The following ANKS1A variants were observed in gnomAD, a reference collection of about 807,000 sequenced individuals.
ANKS1A encodes ankyrin repeat and SAM domain-containing protein 1A.
In ANKS1A, 55 loss-of-function variants were observed where a neutral mutation model predicts 120.3. The ratio of observed to expected loss-of-function variants is 0.46; its 90% CI spans 0.37 to 0.57. The LOEUF is 0.57. Ranked by LOEUF, ANKS1A falls within the 20% of genes least tolerant of loss-of-function variation. The pLI is 0.00. For synonymous variants in ANKS1A, 590 were observed against 604.7 expected (o/e 0.98, Z 0.36); for missense variants, 1,123 against 1,480.3 (o/e 0.76, Z 3.96).
rs796979646 is a variant in ANKS1A, at chr6:34,987,407, G to GT, written c.1210-1808dup. On this transcript the variant is annotated intron_variant, in intron 8 of 23. Coordinates refer to ENST00000360359, the MANE Select transcript of ANKS1A (RefSeq NM_015245.3). ...CTTTTTGTTGTTGTGTTTCCTTTTT[G>GT]TTTTTTTTTCCCTCAGTTACTTGAT... Among the ~76,000 whole-genome samples the GT allele has an allele frequency of 1.1e-4, 16 of 150,700 alleles. 1 individual carries two copies. The highest frequency in any genetic ancestry group is 2.4e-4 in the African/African-American group (10 of 41,054).
rs1772130771 is a variant in ANKS1A, at chr6:34,985,235, A to G, written c.1166A>G (p.Lys389Arg). 1 of 1,614,174 alleles carries G rather than the reference A, an allele frequency of 6.2e-7. No homozygotes were observed. The highest frequency in any genetic ancestry group is 8.5e-7 in the Non-Finnish European group (1 of 1,180,034). Residue 389 changes from lysine to arginine, a missense_variant, in exon 8 of 24, where the codon AAG becomes AGG. Coordinates refer to ENST00000360359, the MANE Select transcript of ANKS1A (RefSeq NM_015245.3). Reference protein sequence around the residue: ...GRSSDQDSTNKEAEAAGVKPA... With the variant: ...GRSSDQDSTNREAEAAGVKPA... The stretch of plus-strand genomic sequence containing the variant: ...TCATCTGACCAAGACTCCACGAACA[A>G]GGAGGCTGAGGCAGCAGGAGTGAAA...
intron 11 of ANKS1A, among the ~76,000 whole-genome samples, chr6:35,033,873 A>C (rs139247784): frequency 0.014 from 2,114 of 152,344 alleles, 19 homozygotes; most frequent in Middle Eastern, 0.027. Context: ...CAGCCTGTTC[A>C]GCGGCAGGAT....
chr6:34,937,868 A>G (rs999297717), intron 1 of ANKS1A, among the ~76,000 whole-genome samples: 1 of 152,184 alleles, frequency 6.6e-6, no homozygotes, highest in African/African-American at 2.4e-5. Context: ...GGACAAAATC[A>G]GTTACACCTC....
intron 1 of ANKS1A, among the ~76,000 whole-genome samples, chr6:34,950,222 C>CTT (rs747865614): frequency 0.058 from 5,623 of 97,300 alleles, 176 homozygotes; most frequent in African/African-American, 0.14. Flanking sequence ...TCTTTTCTCT[C>CTT]TTTTTTTTTT....
rs767297796 is a variant in ANKS1A at position 35,084,106 on chromosome 6, G to A, written c.2995-15G>A. ...CCTGAGCCTGAGAATTCCAGAACAC[G>A]GCTTTCCCCAGCAGAACGTCATTGC... On this transcript the variant is annotated splice_polypyrimidine_tract_variant and intron_variant, in intron 20 of 23. Coordinates refer to ENST00000360359, the MANE Select transcript of ANKS1A (RefSeq NM_015245.3). The surrounding 1 kb of genome is among the most constrained non-coding windows in gnomAD (Gnocchi z 4.8). 6 of 1,613,742 alleles carry A rather than the reference G, an allele frequency of 3.7e-6. No homozygotes were observed. The African/African-American group carries it at 5.3e-5, about 14-fold the overall frequency.
intron 13 of ANKS1A, among the ~76,000 whole-genome samples, chr6:35,074,744 G>A (rs916274801): frequency 1.3e-5 from 2 of 152,236 alleles, no homozygotes; most frequent in African/African-American, 4.8e-5. Context: ...AGCAAGGGGT[G>A]TGTTCTGCAG....
chr6:34,962,510 A>G (rs1770689694), intron 1 of ANKS1A, among the ~76,000 whole-genome samples: 1 of 152,174 alleles, frequency 6.6e-6, no homozygotes, highest in African/African-American at 2.4e-5. Context: ...ACTCTTGGCC[A>G]GGCGCTGTGG....
Position 35,082,006 on chromosome 6 carries a change from A to G in ANKS1A, c.2710-685A>G, listed in dbSNP as rs1777710399. Among the ~76,000 whole-genome samples the G allele has an allele frequency of 6.6e-6, 1 of 152,168 alleles. No individual in the cohort carries two copies. Among genetic ancestry groups the G allele is most frequent in the African/African-American group, 2.4e-5 (1 of 41,442 alleles). The stretch of plus-strand genomic sequence containing the variant: ...CCTTTCCCTTTCTACAAGCACAGCC[A>G]TGAGTTTTAAAGGATTTTTAAACAC... On this transcript the variant is annotated intron_variant, in intron 17 of 23. Coordinates refer to ENST00000360359, the MANE Select transcript of ANKS1A (RefSeq NM_015245.3). The surrounding 1 kb of genome is among the most constrained non-coding windows in gnomAD (Gnocchi z 4.1).
At chr6:35,080,965 A>G in intron 16 of ANKS1A, 29 bp from the exon 17 acceptor site, 1 of 1,603,916 alleles carries the variant, frequency 6.2e-7, no homozygotes, top group Non-Finnish European at 8.5e-7. Context: ...CGAGGGTTGC[A>G]AGTTCCACCT....
chr6:34,989,165 C>T (rs1284675851), intron 8 of ANKS1A, 59 bp from the exon 9 acceptor site: 2 of 1,567,014 alleles, frequency 1.3e-6, no homozygotes, highest in Non-Finnish European at 1.7e-6. Context: ...GAGGGCAAAC[C>T]AAAAAATTAG....
chr6:34,954,363 G>A (rs1770241368), intron 1 of ANKS1A, among the ~76,000 whole-genome samples: 1 of 152,220 alleles, frequency 6.6e-6, no homozygotes, highest in Non-Finnish European at 1.5e-5. Flanking sequence ...GCGTGCGTGT[G>A]TGTGTGTGGT....
chr6:35,069,819 G>A (rs1042147474), intron 13 of ANKS1A, among the ~76,000 whole-genome samples: 2 of 151,938 alleles, frequency 1.3e-5, no homozygotes, highest in African/African-American at 4.8e-5. Flanking sequence ...CTGAGGTCAG[G>A]AGTTCAAGAC....
intron 20 of ANKS1A, 122 bp from the exon 21 acceptor site, chr6:35,083,999 G>C: frequency 6.9e-7 from 1 of 1,443,408 alleles, no homozygotes; most frequent in Non-Finnish European, 9.4e-7. Context: ...AGAAGATGAA[G>C]GGGGGTTTGC....
chr6:34,968,626 CG>C (rs1418407294), intron 2 of ANKS1A, among the ~76,000 whole-genome samples: 8 of 152,026 alleles, frequency 5.3e-5, no homozygotes, highest in Non-Finnish European at 1.2e-4. Context: ...TTAGTAGAGA[CG>C]GGGTTTCACC....
intron 3 of ANKS1A, among the ~76,000 whole-genome samples, chr6:34,979,116 C>T (rs1360748074): frequency 2.0e-5 from 3 of 151,956 alleles, no homozygotes; most frequent in Admixed American, 1.3e-4. Flanking sequence ...AGGATGGTCT[C>T]GATCTCATGA....
intron 1 of ANKS1A, among the ~76,000 whole-genome samples, chr6:34,961,819 T>C (rs1026147302): frequency 2.0e-5 from 3 of 152,222 alleles, no homozygotes; most frequent in African/African-American, 7.2e-5. Flanking sequence ...TCTTCTTAAT[T>C]ATTCTAGTCA....
At chr6:34,958,552 G>A (rs964107049) in intron 1 of ANKS1A, among the ~76,000 whole-genome samples, 8 of 152,140 alleles carry the variant, frequency 5.3e-5, no homozygotes, top group South Asian at 4.2e-4. Flanking sequence ...CTGAGTACCC[G>A]CCTCCCAGCT....
intron 20 of ANKS1A, 129 bp from the exon 21 acceptor site, chr6:35,083,992 A>AGATGAAGG: frequency 7.1e-7 from 1 of 1,410,608 alleles, no homozygotes; most frequent in Non-Finnish European, 9.6e-7. Context: ...CAAAATGAGA[A>AGATGAAGG]GATGAAGGGG....
intron 11 of ANKS1A, among the ~76,000 whole-genome samples, chr6:35,028,154 CT>C (rs1487975884): frequency 1.5e-4 from 23 of 152,318 alleles, no homozygotes; most frequent in African/African-American, 4.6e-4. Flanking sequence ...TTCCTTTCCA[CT>C]TTGGATCTAG....
Sources: allele counts gnomAD v4.1 joint callset (sites outside exome capture counted in the v4.1 genomes callset), GRCh38; gene constraint gnomAD v4.1.1; non-coding constraint Gnocchi (gnomAD v3.1); transcripts MANE v1.5; gene names NCBI Gene and HGNC (gene_info 2026-07-23, HGNC 2026-07-21).